The following CLNK variants were observed in gnomAD, a reference collection of about 807,000 sequenced individuals.
CLNK encodes the protein cytokine dependent hematopoietic cell linker.
Under a neutral mutation model 68.6 loss-of-function variants are expected in CLNK, and 74 were observed. The ratio of observed to expected loss-of-function variants is 1.08; its 90% confidence interval spans 0.89 to 1.31. The LOEUF is 1.31. Ranked by LOEUF, CLNK falls within the 50% of genes most tolerant of loss-of-function variation. The pLI is 0.00. For missense variants in CLNK, 553 were observed against 515.3 expected, an observed-to-expected ratio of 1.07 and a Z score of -0.71; for synonymous variants, 198 against 172.2, an observed-to-expected ratio of 1.15 and a Z score of -1.17.
rs1390741547 is a variant in CLNK, at chr4:10,508,011, A to C, written c.932T>G (p.Ile311Ser). 1 of 1,611,410 alleles carries C rather than the reference A, an allele frequency of 6.2e-7. No homozygotes were observed. Among genetic ancestry groups the C allele is most frequent in the Non-Finnish European group, 8.5e-7 (1 of 1,178,866 alleles). The change falls in exon 17 of 19, where the codon ATT becomes AGT. Residue 311 changes from isoleucine to serine, a missense_variant. Coordinates refer to ENST00000226951, the MANE Select transcript of CLNK (RefSeq NM_052964.4). ...RKDVQHNEWY[I>S]GEYSRQAVEE... The stretch of plus-strand genomic sequence containing the variant: ...CACTGCCTGGCGGCTGTATTCTCCA[A>C]TGTACCATTCATTGTGCTGGACATC...
chr4:10,494,490 C>G (rs989980742), intron 18 of CLNK, among the ~76,000 whole-genome samples: 36 of 148,812 alleles, frequency 2.4e-4, no homozygotes, highest in African/African-American at 7.4e-4. Flanking sequence ...TGGAGTCTCA[C>G]TCTGTCACCC....
At chr4:10,653,843 C>A (rs1723850944) in intron 2 of CLNK, among the ~76,000 whole-genome samples, 1 of 152,166 alleles carries the variant, frequency 6.6e-6, no homozygotes, top group Non-Finnish European at 1.5e-5. Flanking sequence ...GCACAACAGA[C>A]TTTAAAATGG....
chr4:10,721,507 G>A, the CLNK span, among the ~76,000 whole-genome samples: 179 of 151,506 alleles, frequency 1.2e-3, 1 homozygote, highest in African/African-American at 3.7e-3. Flanking sequence ...GAAGTGTAGA[G>A]AACATATGGT....
chr4:10,578,724 A>G (rs1720670179), intron 4 of CLNK, among the ~76,000 whole-genome samples: 1 of 150,308 alleles, frequency 6.7e-6, no homozygotes, highest in East Asian at 2.0e-4. Flanking sequence ...GAGCAGCACC[A>G]CCACATCTGG....
intron 2 of CLNK, among the ~76,000 whole-genome samples, chr4:10,630,650 A>C (rs61796792): frequency 1.3e-5 from 2 of 152,178 alleles, no homozygotes; most frequent in African/African-American, 4.8e-5. Flanking sequence ...TTTCCTATCT[A>C]TCTACACCAT....
intron 2 of CLNK, among the ~76,000 whole-genome samples, chr4:10,625,394 G>T (rs945095215): frequency 3.3e-5 from 5 of 152,244 alleles, no homozygotes; most frequent in South Asian, 2.1e-4. Context: ...CACTGCCTCT[G>T]CCCTGAGCTT....
At position 10,501,374 on chromosome 4, in the gene CLNK, G is replaced by T. The variant is rs1381072231; in HGVS notation, c.1022C>A (p.Ser341Tyr). Reference sequence around the variant, plus strand: ...AGCCAAAACATAGGGCTCTTCCTTGGATTTTGTGGAACAATCTCGGACCAA... The same window carrying T: ...AGCCAAAACATAGGGCTCTTCCTTGTATTTTGTGGAACAATCTCGGACCAA... ...SFLVRDCSTK[S>Y]KEEPYVLAVF... Residue 341 changes from serine (S) to tyrosine (Y), a missense_variant, in exon 18 of 19, where the codon TCC becomes TAC. Transcript: ENST00000226951. 1 of 1,609,524 alleles carries T rather than the reference G, an allele frequency of 6.2e-7. No individual in the cohort carries two copies. Among genetic ancestry groups the T allele is most frequent in the Non-Finnish European group, 8.5e-7 (1 of 1,178,722 alleles).
chr4:10,647,040 C>T lies in CLNK; in HGVS notation c.11+20819G>A, dbSNP rs75455397. Among the ~76,000 whole-genome samples, 182 of 152,236 alleles carry T rather than the reference C, an allele frequency of 1.2e-3. 2 individuals are homozygous for T. In the East Asian group the frequency reaches 0.022, roughly 18 times the overall value. On this transcript the variant is annotated intron_variant, in intron 2 of 18. Coordinates refer to ENST00000226951, the MANE Select transcript of CLNK (RefSeq NM_052964.4). ...CATCTCTATCCTTGTGTTTCCCAGG[C>T]GATGCTGTCATTTGTGTGCCTTCCA... is the stretch of plus-strand genomic sequence containing the variant.
At chr4:10,497,724 T>G (rs1716869797) in intron 18 of CLNK, among the ~76,000 whole-genome samples, 1 of 152,236 alleles carries the variant, frequency 6.6e-6, no homozygotes. Context: ...CTCAGTTTCC[T>G]TGCCAGTAAA....
At chr4:10,690,628 A>G in the CLNK span, among the ~76,000 whole-genome samples, 6 of 152,230 alleles carry the variant, frequency 3.9e-5, no homozygotes, top group African/African-American at 1.4e-4. Context: ...TTAAGACCTC[A>G]ATATATGCTA....
intron 2 of CLNK, among the ~76,000 whole-genome samples, chr4:10,626,362 G>T (rs1722675490): frequency 6.6e-6 from 1 of 151,836 alleles, no homozygotes; most frequent in Non-Finnish European, 1.5e-5. Context: ...TTATTTCGTT[G>T]ACCCACATCA....
intron 2 of CLNK, among the ~76,000 whole-genome samples, chr4:10,630,477 A>G (rs1473732681): frequency 6.6e-6 from 1 of 152,074 alleles, no homozygotes; most frequent in East Asian, 1.9e-4. Context: ...CTCACTCTAC[A>G]CCAAACTCTG....
chr4:10,596,095 G>C (rs1176006984), intron 3 of CLNK, among the ~76,000 whole-genome samples: 1 of 152,170 alleles, frequency 6.6e-6, no homozygotes, highest in Admixed American at 6.5e-5. Flanking sequence ...TCTCTATCTT[G>C]ACTCACCACA....
At chr4:10,490,946 G>A (rs948626019) in intron 18 of CLNK, among the ~76,000 whole-genome samples, 1 of 151,854 alleles carries the variant, frequency 6.6e-6, no homozygotes, top group African/African-American at 2.4e-5. Context: ...TGTATTTTTA[G>A]TAGAGACAGG....
intron 17 of CLNK, among the ~76,000 whole-genome samples, chr4:10,504,767 T>C (rs1717223923): frequency 6.6e-6 from 1 of 152,174 alleles, no homozygotes; most frequent in Non-Finnish European, 1.5e-5. Context: ...AAACGATTTG[T>C]CAAAATAAAT....
chr4:10,576,674 G>T (rs1351831549), intron 4 of CLNK, among the ~76,000 whole-genome samples: 2 of 152,136 alleles, frequency 1.3e-5, no homozygotes, highest in African/African-American at 4.8e-5. Flanking sequence ...CTGACCATTT[G>T]CATCAAACTC....
chr4:10,636,072 G>C (rs1723075826), intron 2 of CLNK, among the ~76,000 whole-genome samples: 1 of 152,194 alleles, frequency 6.6e-6, no homozygotes, highest in African/African-American at 2.4e-5. Flanking sequence ...GAGTAATTCT[G>C]CCTGATGGGG....
chr4:10,645,835 T>C (rs903020593), intron 2 of CLNK, among the ~76,000 whole-genome samples: 4 of 152,056 alleles, frequency 2.6e-5, no homozygotes, highest in African/African-American at 9.7e-5. Flanking sequence ...AAGAGAAGAA[T>C]TTTAATGCTC....
At chr4:10,701,206 AT>A in the CLNK span, among the ~76,000 whole-genome samples, 123 of 152,300 alleles carry the variant, frequency 8.1e-4, no homozygotes, top group Middle Eastern at 3.4e-3. Context: ...CATGCTACAG[AT>A]TTTGCAAGCA....
Sources: gnomAD v4.1 joint callset for allele counts (sites outside exome capture counted in the v4.1 genomes callset) on GRCh38, gnomAD v4.1.1 for gene constraint, MANE v1.5 for transcripts, NCBI Gene and HGNC (gene_info 2026-07-23, HGNC 2026-07-21) for gene names.